NKAIN3: variants seen among roughly 807,000 people sequenced by gnomAD.
NKAIN3 encodes sodium/potassium-transporting ATPase subunit beta-1-interacting protein 3.
A neutral mutation model predicts 30.2 loss-of-function variants in NKAIN3; 25 were observed. The ratio of observed to expected loss-of-function variants is 0.83; its 90% CI spans 0.60 to 1.16. The LOEUF (loss-of-function observed/expected upper bound fraction) is 1.16, where lower values mean the gene tolerates loss of function less well. Ranked by LOEUF, NKAIN3 falls within the 50% of genes most tolerant of loss-of-function variation. The pLI is 0.00. For synonymous variants in NKAIN3, 91 were observed against 89.6 expected (o/e 1.02, Z -0.09); for missense variants, 225 against 254.1 (o/e 0.89, Z 0.78).
chr8:62,384,901 C>T (rs1005013555), intron 1 of NKAIN3, among the ~76,000 whole-genome samples: 14 of 152,228 alleles, frequency 9.2e-5, no homozygotes, highest in African/African-American at 3.4e-4. Context: ...TATAAGATAT[C>T]ATTGTAGTTT....
intron 1 of NKAIN3, among the ~76,000 whole-genome samples, chr8:62,395,335 C>A (rs144268676): frequency 6.6e-6 from 1 of 151,704 alleles, no homozygotes; most frequent in Non-Finnish European, 1.5e-5. Context: ...CGGGCAGAGG[C>A]GACCCTCACT....
At chr8:62,338,525 T>C (rs2129590713) in intron 1 of NKAIN3, among the ~76,000 whole-genome samples, 2 of 151,984 alleles carry the variant, frequency 1.3e-5, no homozygotes, top group East Asian at 3.9e-4. Flanking sequence ...TGAGCTGAAA[T>C]AGAAAATTTT....
At chr8:62,506,228 T>TGG (rs10633674) in intron 1 of NKAIN3, among the ~76,000 whole-genome samples, 4,266 of 128,990 alleles carry the variant, frequency 0.033, 132 homozygotes, top group South Asian at 0.078. Context: ...ATGAGAATAT[T>TGG]GGGGGGGGGG....
chr8:62,777,565 G>A (rs534713736), intron 4 of NKAIN3, among the ~76,000 whole-genome samples: 6 of 152,050 alleles, frequency 3.9e-5, no homozygotes, highest in East Asian at 3.9e-4. Context: ...CAGTCTCTTT[G>A]TTAAATTTAT....
intron 1 of NKAIN3, among the ~76,000 whole-genome samples, chr8:62,375,907 C>A (rs910850118): frequency 6.6e-6 from 1 of 152,146 alleles, no homozygotes; most frequent in Admixed American, 6.6e-5. Flanking sequence ...CATGTTCTTA[C>A]CTTTATATTA....
At chr8:62,297,654 A>G (rs1585649543) in intron 1 of NKAIN3, among the ~76,000 whole-genome samples, 4 of 152,066 alleles carry the variant, frequency 2.6e-5, no homozygotes, top group Middle Eastern at 6.8e-3. Flanking sequence ...AATGGCAATC[A>G]TTAAAAAGTC....
intron 3 of NKAIN3, among the ~76,000 whole-genome samples, chr8:62,689,939 G>A (rs964657967): frequency 3.2e-4 from 47 of 145,966 alleles, no homozygotes; most frequent in African/African-American, 1.0e-3. Context: ...CTTGGCCACC[G>A]CACTGAAAAT....
chr8:62,956,201 G>A (rs547659361), intron 6 of NKAIN3, among the ~76,000 whole-genome samples: 4 of 152,196 alleles, frequency 2.6e-5, no homozygotes, highest in African/African-American at 9.6e-5. Context: ...ATCCAATGAT[G>A]CCATATCACT....
At chr8:62,716,933 T>TA (rs1324030114) in intron 3 of NKAIN3, among the ~76,000 whole-genome samples, 1 of 152,016 alleles carries the variant, frequency 6.6e-6, no homozygotes, top group Non-Finnish European at 1.5e-5. Context: ...CTGTATCTTT[T>TA]AAAAAAATAA....
At chr8:62,473,014 G>A (rs547985040) in intron 1 of NKAIN3, among the ~76,000 whole-genome samples, 1 of 152,190 alleles carries the variant, frequency 6.6e-6, no homozygotes, top group Non-Finnish European at 1.5e-5. Flanking sequence ...TACATTTCCA[G>A]TGGTCGATTT....
intron 1 of NKAIN3, among the ~76,000 whole-genome samples, chr8:62,522,430 T>C (rs1032076640): frequency 1.1e-4 from 17 of 152,116 alleles, no homozygotes; most frequent in African/African-American, 4.1e-4. Flanking sequence ...TATACTATAC[T>C]TTTTATCCCT....
rs1207161005 is a variant in NKAIN3 at position 62,975,493 on chromosome 8, T to C, written c.*10086T>C. Among the ~76,000 whole-genome samples the C allele has an allele frequency of 1.3e-5, 2 of 152,232 alleles. No individual in the cohort carries two copies. The highest frequency in any genetic ancestry group is 2.9e-5 in the Non-Finnish European group (2 of 68,044). Reference sequence around the variant, plus strand: ...TCTCTGACGGTAGTTTGCATTTCTGTGGGATTAGTGGTGATCTCCACTTTA... The same window carrying C: ...TCTCTGACGGTAGTTTGCATTTCTGCGGGATTAGTGGTGATCTCCACTTTA... On this transcript the variant is annotated 3_prime_UTR_variant, in exon 7 of 7. Transcript: ENST00000623646.
rs17177988 is a variant in NKAIN3, at chr8:62,693,494, G to C, written c.274-53438G>C. On this transcript the variant is annotated intron_variant, in intron 3 of 6. Coordinates refer to ENST00000623646, the MANE Select transcript of NKAIN3 (RefSeq NM_001304533.3). The stretch of plus-strand genomic sequence containing the variant: ...GTCAGTGCAAAGGCTTAGCCCATCT[G>C]CATCTTGGCACGATATGAATTGGGC... Among the ~76,000 whole-genome samples the C allele has an allele frequency of 5.8e-3, 882 of 152,248 alleles. 10 individuals are homozygous for C. The highest frequency in any genetic ancestry group is 5.3e-3 in the Non-Finnish European group (359 of 68,018).
At chr8:62,251,159 C>T (rs1018805174) in intron 1 of NKAIN3, among the ~76,000 whole-genome samples, 1 of 152,088 alleles carries the variant, frequency 6.6e-6, no homozygotes, top group Middle Eastern at 3.2e-3. Flanking sequence ...GAGGTAGATA[C>T]TCATTTCATT....
intron 1 of NKAIN3, among the ~76,000 whole-genome samples, chr8:62,508,518 G>T (rs182742005): frequency 3.3e-5 from 5 of 152,108 alleles, no homozygotes; most frequent in African/African-American, 4.8e-5. Flanking sequence ...CACAAGCCAA[G>T]CCCCTCATTG....
At chr8:62,486,357 T>A (rs1014602298) in intron 1 of NKAIN3, among the ~76,000 whole-genome samples, 11 of 152,194 alleles carry the variant, frequency 7.2e-5, no homozygotes, top group African/African-American at 2.7e-4. Context: ...TAAGTTAATT[T>A]ATTTTAATTT....
At chr8:62,857,823 C>T (rs185473224) in intron 4 of NKAIN3, among the ~76,000 whole-genome samples, 43 of 152,360 alleles carry the variant, frequency 2.8e-4, no homozygotes, top group Non-Finnish European at 4.4e-5. Context: ...TATCCACATT[C>T]TGAAGCCTAC....
intron 1 of NKAIN3, among the ~76,000 whole-genome samples, chr8:62,560,521 T>TTTTTC (rs1563457451): frequency 1.2e-4 from 17 of 144,308 alleles, no homozygotes; most frequent in Non-Finnish European, 1.9e-4. Context: ...CACTGAATCT[T>TTTTTC]TTTTCTTTTC....
chr8:62,808,982 C>T (rs1818395907), intron 4 of NKAIN3, among the ~76,000 whole-genome samples: 1 of 152,100 alleles, frequency 6.6e-6, no homozygotes, highest in Non-Finnish European at 1.5e-5. Flanking sequence ...CGGACAGTCC[C>T]AGAGTGGCCA....
Sources: gnomAD v4.1 joint callset for allele counts (sites outside exome capture counted in the v4.1 genomes callset) on GRCh38, gnomAD v4.1.1 for gene constraint, MANE v1.5 for transcripts, NCBI Gene and HGNC (gene_info 2026-07-23, HGNC 2026-07-21) for gene names.